The following RIGI variants were observed in gnomAD, a reference collection of about 807,000 sequenced individuals.
The protein encoded by RIGI is antiviral innate immune response receptor RIG-I.
At chr9:32,485,915 C>G in the RIGI span, among the ~76,000 whole-genome samples, 1 of 152,134 alleles carries the variant, frequency 6.6e-6, no homozygotes, top group African/African-American at 2.4e-5. Context: ...CTGCAAGTGC[C>G]ACAATCTAAC....
chr9:32,466,822 G>A, the RIGI span, among the ~76,000 whole-genome samples: 2 of 151,424 alleles, frequency 1.3e-5, no homozygotes, highest in Admixed American at 6.6e-5. Flanking sequence ...TGATTAGACA[G>A]CCGTACTGTC....
the RIGI span, chr9:32,456,667 G>A: frequency 6.4e-6 from 1 of 157,282 alleles, no homozygotes; most frequent in African/African-American, 2.4e-5. Context: ...AGGTCAAATA[G>A]AAGGTTAAGA....
At chr9:32,484,108 C>T in the RIGI span, among the ~76,000 whole-genome samples, 1 of 152,080 alleles carries the variant, frequency 6.6e-6, no homozygotes, top group African/African-American at 2.4e-5. Context: ...TAGAATATAA[C>T]ATTGGAAAGA....
At chr9:32,468,439 G>T in the RIGI span, among the ~76,000 whole-genome samples, 3 of 152,294 alleles carry the variant, frequency 2.0e-5, no homozygotes, top group East Asian at 5.8e-4. Context: ...GCCAAGGCAG[G>T]TGAATCACTT....
chr9:32,472,371 A>C, the RIGI span, among the ~76,000 whole-genome samples: 1 of 152,184 alleles, frequency 6.6e-6, no homozygotes, highest in African/African-American at 2.4e-5. Context: ...AAGAGCCTGG[A>C]GTGGTTTTTG....
chr9:32,459,528 A>G, the RIGI span: 11 of 1,600,376 alleles, frequency 6.9e-6, no homozygotes, highest in Admixed American at 8.9e-5. Flanking sequence ...ATGCAAAAAG[A>G]AAGACCGCAA....
the RIGI span, chr9:32,500,994 A>C: frequency 1.3e-6 from 2 of 1,587,588 alleles, no homozygotes; most frequent in Non-Finnish European, 1.7e-6. Context: ...AATCATTAGA[A>C]GAAAAACCAG....
chr9:32,480,384 C>T, the RIGI span: 14 of 1,557,434 alleles, frequency 9.0e-6, no homozygotes, highest in East Asian at 2.3e-5. Flanking sequence ...TCTCAATATG[C>T]TTCCAATGTC....
At chr9:32,498,908 G>A in the RIGI span, among the ~76,000 whole-genome samples, 9 of 150,288 alleles carry the variant, frequency 6.0e-5, no homozygotes, top group East Asian at 7.8e-4. Flanking sequence ...GCTCGAACCC[G>A]GGAGGCGGAG....
chr9:32,520,845 G>T, the RIGI span, among the ~76,000 whole-genome samples: 3 of 27,384 alleles, frequency 1.1e-4, no homozygotes, highest in Non-Finnish European at 3.1e-4. Context: ...TGGTGGCTCA[G>T]GCCGGGGCTG....
chr9:32,507,520 A>T, the RIGI span, among the ~76,000 whole-genome samples: 1 of 152,148 alleles, frequency 6.6e-6, no homozygotes, highest in African/African-American at 2.4e-5. Context: ...CCAAATCTTC[A>T]CTGATATCTC....
the RIGI span, among the ~76,000 whole-genome samples, chr9:32,510,817 A>AT: frequency 6.6e-6 from 1 of 152,122 alleles, no homozygotes; most frequent in African/African-American, 2.4e-5. Context: ...GTCAAGACCC[A>AT]TTGGTGTGCT....
At chr9:32,471,188 G>C in the RIGI span, among the ~76,000 whole-genome samples, 1 of 152,326 alleles carries the variant, frequency 6.6e-6, no homozygotes, top group Non-Finnish European at 1.5e-5. Flanking sequence ...AAACTGGAAG[G>C]TTGCAGTGAG....
the RIGI span, chr9:32,488,703 A>G: frequency 2.0e-6 from 3 of 1,493,714 alleles, no homozygotes; most frequent in Non-Finnish European, 2.7e-6. Flanking sequence ...GAAGCTGGAG[A>G]AAAAGAAGTT....
the RIGI span, chr9:32,489,495 G>T: frequency 1.6e-6 from 2 of 1,266,404 alleles, no homozygotes; most frequent in Non-Finnish European, 1.1e-6. Flanking sequence ...TTCCTGCTCT[G>T]AGGAATCACG....
chr9:32,485,601 C>T, the RIGI span: 10 of 397,922 alleles, frequency 2.5e-5, no homozygotes, highest in Admixed American at 6.9e-5. Flanking sequence ...AGTACAGTGG[C>T]GCGATCTCGG....
the RIGI span, among the ~76,000 whole-genome samples, chr9:32,523,719 TCTCC>T: frequency 6.6e-5 from 10 of 152,192 alleles, 1 homozygote; most frequent in African/African-American, 2.4e-4. Context: ...CCATTCTCTC[TCTCC>T]CTGTCTTGTA....
the RIGI span, chr9:32,467,948 AG>A: frequency 2.7e-5 from 42 of 1,569,782 alleles, no homozygotes; most frequent in Non-Finnish European, 3.6e-5. Context: ...TCAGAGTAAG[AG>A]GGCATTATAC....
the RIGI span, among the ~76,000 whole-genome samples, chr9:32,476,501 T>A: frequency 1.9e-4 from 29 of 151,028 alleles, no homozygotes; most frequent in African/African-American, 7.1e-4. Flanking sequence ...TGAGACCCCG[T>A]CTCTAAGTGG....
Sources: allele counts gnomAD v4.1 joint callset (sites outside exome capture counted in the v4.1 genomes callset), GRCh38; gene constraint gnomAD v4.1.1; transcripts MANE v1.5; gene names NCBI Gene and HGNC (gene_info 2026-07-23, HGNC 2026-07-21).